Variants in SOX5 observed in about 807,000 individuals in gnomAD.
SOX5 encodes the protein transcription factor SOX-5.
In SOX5, 9 loss-of-function variants were observed where a neutral mutation model predicts 92.0. That is an observed-to-expected ratio of 0.10 (90% CI 0.06 to 0.17). The LOEUF (loss-of-function observed/expected upper bound fraction) is 0.17. Among genes scored for constraint, SOX5 ranks in the 10% least tolerant of loss-of-function variants. The pLI is 1.00. For synonymous variants in SOX5, 344 were observed against 336.3 expected, an observed-to-expected ratio of 1.02 and a Z score of -0.25; for missense variants, 642 against 944.5, an observed-to-expected ratio of 0.68 and a Z score of 4.20.
chr12:24,244,029 T>C (rs1476321189), intron 3 of SOX5, among the ~76,000 whole-genome samples: 2 of 145,940 alleles, frequency 1.4e-5, no homozygotes, highest in Non-Finnish European at 3.0e-5. Context: ...GATTTAAATT[T>C]TGAATGTAGG....
chr12:24,217,548 GA>G (rs1344083501), intron 3 of SOX5, among the ~76,000 whole-genome samples: 1 of 152,174 alleles, frequency 6.6e-6, no homozygotes, highest in Non-Finnish European at 1.5e-5. Flanking sequence ...AGTCTTAGAA[GA>G]AAATGTAAAT....
intron 3 of SOX5, among the ~76,000 whole-genome samples, chr12:24,244,520 T>A (rs1938223513): frequency 6.6e-6 from 1 of 152,104 alleles, no homozygotes; most frequent in South Asian, 2.1e-4. Context: ...AACACTTGGG[T>A]GCTAGCACAG....
chr12:24,015,679 G>A (rs1407402586), intron 4 of SOX5, among the ~76,000 whole-genome samples: 1 of 152,072 alleles, frequency 6.6e-6, no homozygotes, highest in African/African-American at 2.4e-5. Flanking sequence ...GCCCAGGAAG[G>A]TAATTTACAA....
At chr12:24,014,130 G>T (rs1166497943) in intron 4 of SOX5, among the ~76,000 whole-genome samples, 1 of 152,178 alleles carries the variant, frequency 6.6e-6, no homozygotes, top group Non-Finnish European at 1.5e-5. Flanking sequence ...TTCGGAAACA[G>T]AACTGATGAG....
intron 4 of SOX5, among the ~76,000 whole-genome samples, chr12:23,961,280 A>G (rs1946901016): frequency 6.6e-6 from 1 of 152,190 alleles, no homozygotes. Context: ...TAATTTTTTT[A>G]AAGAAGTTTG....
At chr12:23,942,690 T>C (rs982190754) in intron 1 of SOX5, among the ~76,000 whole-genome samples, 9 of 151,448 alleles carry the variant, frequency 5.9e-5, no homozygotes, top group African/African-American at 2.2e-4. Context: ...ATGCAGTGAA[T>C]TTCATTTCTT....
At chr12:24,465,607 G>A (rs1339414505) in intron 1 of SOX5, among the ~76,000 whole-genome samples, 2 of 152,162 alleles carry the variant, frequency 1.3e-5, no homozygotes, top group African/African-American at 2.4e-5. Context: ...ATGAGACCTG[G>A]ATACAGGCAG....
chr12:24,390,105 G>A (rs1049430427), intron 1 of SOX5, among the ~76,000 whole-genome samples: 7 of 151,990 alleles, frequency 4.6e-5, no homozygotes, highest in African/African-American at 7.3e-5. Context: ...CAAGTTTCTC[G>A]TTTTCCAGCT....
chr12:24,542,018 A>G (rs1309017656), intron 1 of SOX5, among the ~76,000 whole-genome samples: 1 of 152,164 alleles, frequency 6.6e-6, no homozygotes, highest in Non-Finnish European at 1.5e-5. Flanking sequence ...TTTTTTCCAA[A>G]CAACAGCCAG....
chr12:24,033,244 C>T (rs1955690487), intron 4 of SOX5, among the ~76,000 whole-genome samples: 1 of 151,824 alleles, frequency 6.6e-6, no homozygotes. Context: ...AAAACCTCAG[C>T]CCAAAAGTCA....
chr12:24,058,215 A>G (rs1958315059), intron 4 of SOX5, among the ~76,000 whole-genome samples: 1 of 152,250 alleles, frequency 6.6e-6, no homozygotes, highest in African/African-American at 2.4e-5. Flanking sequence ...GCATGGGCAA[A>G]TGGAGTCACT....
At chr12:24,073,314 C>T (rs1942047784) in intron 4 of SOX5, among the ~76,000 whole-genome samples, 1 of 152,114 alleles carries the variant, frequency 6.6e-6, no homozygotes, top group African/African-American at 2.4e-5. Context: ...AAAGAATAAC[C>T]ACCAAAACAC....
chr12:23,911,409 A>G (rs2097350459), intron 1 of SOX5, among the ~76,000 whole-genome samples: 1 of 152,108 alleles, frequency 6.6e-6, no homozygotes, highest in South Asian at 2.1e-4. Context: ...TATTTCCCAG[A>G]GAGTCAATTT....
intron 4 of SOX5, among the ~76,000 whole-genome samples, chr12:24,061,361 C>T (rs1421624798): frequency 2.6e-5 from 4 of 152,084 alleles, no homozygotes; most frequent in Non-Finnish European, 5.9e-5. Flanking sequence ...TTCTCTGGGC[C>T]TTCAGAGGAG....
At chr12:23,745,986 G>A (rs917424702) in intron 4 of SOX5, among the ~76,000 whole-genome samples, 3 of 152,080 alleles carry the variant, frequency 2.0e-5, no homozygotes, top group Non-Finnish European at 1.5e-5. Flanking sequence ...GAATACAGCC[G>A]CTTCCCTTTA....
At chr12:24,118,047 A>C (rs567730757) in intron 4 of SOX5, among the ~76,000 whole-genome samples, 39 of 151,632 alleles carry the variant, frequency 2.6e-4, no homozygotes, top group African/African-American at 8.5e-4. Flanking sequence ...AAGAAAAAAA[A>C]AATCTGTCTC....
At chr12:24,496,684 C>G (rs576350072) in intron 1 of SOX5, among the ~76,000 whole-genome samples, 5 of 152,306 alleles carry the variant, frequency 3.3e-5, no homozygotes, top group African/African-American at 9.6e-5. Flanking sequence ...TCAATGGGCT[C>G]TAGTCTGAAT....
chr12:23,872,123 G>T (rs1316875321), intron 2 of SOX5, among the ~76,000 whole-genome samples: 3 of 144,160 alleles, frequency 2.1e-5, no homozygotes, highest in Admixed American at 1.4e-4. Context: ...TCAGCCTCCC[G>T]AGTAGCTGGG....
intron 3 of SOX5, among the ~76,000 whole-genome samples, chr12:23,843,654 C>G (rs990139958): frequency 2.7e-5 from 4 of 146,174 alleles, no homozygotes; most frequent in Non-Finnish European, 4.5e-5. Flanking sequence ...ACCTCCCCCT[C>G]CCAGATTCAA....
Sources: gnomAD v4.1 joint callset for allele counts (sites outside exome capture counted in the v4.1 genomes callset) on GRCh38, gnomAD v4.1.1 for gene constraint, MANE v1.5 for transcripts, NCBI Gene and HGNC (gene_info 2026-07-23, HGNC 2026-07-21) for gene names.